Variants in CSK observed in about 807,000 individuals in gnomAD.
The protein encoded by CSK is C-terminal Src kinase, also known as tyrosine-protein kinase CSK.
Under a neutral mutation model 62.3 loss-of-function variants are expected in CSK, and 7 were observed. The observed-to-expected ratio is 0.11, with a 90% CI of 0.06 to 0.21. The LOEUF is 0.21. CSK is among the 10% of genes least tolerant of loss of function. The pLI is 1.00. For missense variants in CSK, 294 were observed against 613.5 expected (o/e 0.48, Z 5.50); for synonymous variants, 237 against 246.0 (o/e 0.96, Z 0.34).
intron 1 of CSK, among the ~76,000 whole-genome samples, chr15:74,792,069 C>T (rs1034823586): frequency 2.6e-5 from 4 of 152,122 alleles, no homozygotes; most frequent in Admixed American, 6.5e-5. Flanking sequence ...TGTTCAGTAT[C>T]GGCATCTAGA....
intron 1 of CSK, among the ~76,000 whole-genome samples, chr15:74,792,613 G>T (rs1218837624): frequency 2.0e-5 from 3 of 152,240 alleles, no homozygotes; most frequent in African/African-American, 7.2e-5. Context: ...GGTTGTAGAG[G>T]CCTAAGTTTG....
Position 74,802,664 on chromosome 15 carries a change from C to A in CSK, c.*151C>A. The A allele has an allele frequency of 1.0e-6, 1 of 980,286 alleles. No individual in the cohort carries two copies. 60.7% of individuals were successfully genotyped at this position (980,286 alleles called of 1,614,324 possible). On this transcript the variant is annotated 3_prime_UTR_variant, in exon 13 of 13. Coordinates refer to ENST00000220003, the MANE Select transcript of CSK (RefSeq NM_004383.3). ...CGTCCCAGCCTGCACCCCTCCGGCC[C>A]CGTCTCTCTTGGACCCACCTGTGGG...
In CSK at chr15:74,798,492, C is replaced by T; in HGVS notation, c.16-123C>T. The T allele has an allele frequency of 8.2e-7, 1 of 1,217,118 alleles. No individual in the cohort carries two copies. Among genetic ancestry groups the T allele is most frequent in the Non-Finnish European group, 1.2e-6 (1 of 842,548 alleles). The allele number at this position is 1,217,118 out of a possible 1,614,324, so 75.4% of individuals were successfully genotyped here. The stretch of plus-strand genomic sequence containing the variant: ...CAGGAAGGGACCCAGGGCTCGTTCT[C>T]CGGGCAGAGCACCTCACCCAGGCTC... On this transcript the variant is annotated intron_variant, in intron 2 of 12. Transcript: ENST00000220003. The surrounding 1 kb of genome is among the most constrained non-coding windows in gnomAD (Gnocchi z 6.6).
chr15:74,783,123 C>G (rs556329571), intron 1 of CSK, among the ~76,000 whole-genome samples: 1 of 152,202 alleles, frequency 6.6e-6, no homozygotes, highest in African/African-American at 2.4e-5. Context: ...TGGTTCTGAC[C>G]CCTCCCTCAT....
chr15:74,802,205 A>T, intron 12 of CSK, 122 bp downstream of exon 12: 1 of 1,386,922 alleles, frequency 7.2e-7, no homozygotes. Context: ...TGCCCTGGGG[A>T]GCTCACAGGC....
rs2063793244 is a variant in CSK at position 74,801,560 on chromosome 15, A to G, written c.852A>G (p.Ser284=). ...LVDYLRSRGR[S]VLGGDCLLKF... ...ACTACCTGCGGTCTAGGGGTCGGTC[A>G]GTGCTGGGCGGAGACTGTCTCCTCA... The change falls in exon 10 of 13, where the codon TCA becomes TCG. Residue 284 remains serine, a synonymous_variant. Transcript: ENST00000220003. 1 of 1,613,790 alleles carries G rather than the reference A, an allele frequency of 6.2e-7. No individual in the cohort carries two copies. Among genetic ancestry groups the G allele is most frequent in the East Asian group, 2.2e-5 (1 of 44,898 alleles).
At chr15:74,791,381 CTCT>C (rs1231912031) in intron 1 of CSK, among the ~76,000 whole-genome samples, 1 of 152,114 alleles carries the variant, frequency 6.6e-6, no homozygotes, top group African/African-American at 2.4e-5. Context: ...TTTACTCTAT[CTCT>C]TCTTTTATCT....
At chr15:74,796,927 T>TTTAC (rs1211911019) in intron 1 of CSK, among the ~76,000 whole-genome samples, 1 of 152,032 alleles carries the variant, frequency 6.6e-6, no homozygotes, top group Middle Eastern at 3.2e-3. Context: ...TGGTTAACAT[T>TTTAC]TTATTTATTT....
Position 74,801,812 on chromosome 15 carries a change from C to T in CSK, c.1005C>T (p.Leu335=). ...TGGCCAAGGTCAGCGACTTTGGTCT[C>T]ACCAAGGAGGCGTCCAGCACCCAGG... The part of the protein sequence containing the change: ...DNVAKVSDFG[L]TKEASSTQDT... The change falls in exon 11 of 13, where the codon CTC becomes CTT. Residue 335 remains leucine (L), a synonymous_variant. Transcript: ENST00000220003. The T allele has an allele frequency of 6.2e-7, 1 of 1,613,946 alleles. No homozygotes were observed. The highest frequency in any genetic ancestry group is 8.5e-7 in the Non-Finnish European group (1 of 1,180,018).
intron 1 of CSK, among the ~76,000 whole-genome samples, chr15:74,797,575 G>T (rs779112155): frequency 6.6e-6 from 1 of 152,200 alleles, no homozygotes; most frequent in Non-Finnish European, 1.5e-5. Context: ...GTTGGAGTTT[G>T]TGTTGGAGTT....
chr15:74,802,914 A>C lies in CSK; in HGVS notation c.*401A>C. The C allele has an allele frequency of 1.0e-5, 2 of 191,460 alleles. No homozygotes were observed. Among genetic ancestry groups the C allele is most frequent in the Non-Finnish European group, 1.1e-5 (1 of 93,496 alleles). 11.9% of individuals were successfully genotyped at this position (191,460 alleles called of 1,614,324 possible). A position where few individuals can be genotyped will look rare whatever the true frequency, so the allele number is the denominator to read the frequency against. On this transcript the variant is annotated 3_prime_UTR_variant, in exon 13 of 13. Coordinates refer to ENST00000220003, the MANE Select transcript of CSK (RefSeq NM_004383.3). ...GCATTTTACAAGAAGTACGAATCTT[A>C]TTTTTCCTGTCCTGCCCGTGAGGGT...
chr15:74,791,953 C>T (rs2063628156), intron 1 of CSK, among the ~76,000 whole-genome samples: 1 of 152,180 alleles, frequency 6.6e-6, no homozygotes, highest in Non-Finnish European at 1.5e-5. Context: ...TCCAATTAGC[C>T]TGTGGGATGG....
chr15:74,798,494 G>A lies in CSK; in HGVS notation c.16-121G>A, dbSNP rs750410782. 8.4e-5 allele frequency: 103 copies of A among 1,221,304 alleles called. No homozygotes were observed. The highest frequency in any genetic ancestry group is 7.1e-4 in the African/African-American group (47 of 66,510). The allele number at this position is 1,221,304 out of a possible 1,614,324, so 75.7% of individuals were successfully genotyped here. ...GGAAGGGACCCAGGGCTCGTTCTCC[G>A]GGCAGAGCACCTCACCCAGGCTCAC... On this transcript the variant is annotated intron_variant, in intron 2 of 12. Transcript: ENST00000220003. This position sits in a 1 kb window ranked among gnomAD's most constrained non-coding sequence, Gnocchi z 6.6.
At chr15:74,795,105 C>T (rs986792980) in intron 1 of CSK, among the ~76,000 whole-genome samples, 1 of 152,126 alleles carries the variant, frequency 6.6e-6, no homozygotes, top group African/African-American at 2.4e-5. Context: ...TGCCAGTCCC[C>T]TGCCTGACAC....
intron 1 of CSK, among the ~76,000 whole-genome samples, chr15:74,797,717 C>T (rs2063728089): frequency 6.6e-6 from 1 of 150,944 alleles, no homozygotes; most frequent in Non-Finnish European, 1.5e-5. Context: ...CCACTTGTAG[C>T]CCTCCTGTGC....
At chr15:74,790,685 T>G (rs1221930228) in intron 1 of CSK, 2 of 152,276 alleles carry the variant, frequency 1.3e-5, no homozygotes, top group African/African-American at 2.4e-5. Flanking sequence ...GACCTCGGTG[T>G]GGTACAGCCA....
At chr15:74,787,119 A>G (rs1314475098) in intron 1 of CSK, among the ~76,000 whole-genome samples, 2 of 152,062 alleles carry the variant, frequency 1.3e-5, no homozygotes, top group Non-Finnish European at 1.5e-5. Flanking sequence ...GCCACCCCCA[A>G]CGCCCGGCAG....
chr15:74,800,773 G>C (rs1305563204), intron 7 of CSK, 27 bp downstream of exon 7: 2 of 1,586,608 alleles, frequency 1.3e-6, no homozygotes, highest in Non-Finnish European at 1.7e-6. Flanking sequence ...CCCCTGGGGG[G>C]GTTCTGAGGG....
In CSK at chr15:74,798,721, T is replaced by G; in HGVS notation, c.122T>G (p.Val41Gly). ...GGAGACGTGCTCACCATTGTGGCCG[T>G]CACCAAGGTAATCAGGTGACGCCCA... ...CKGDVLTIVA[V>G]TKDPNWYKAK... The change falls in exon 3 of 13, where the codon GTC becomes GGC. Residue 41 changes from valine (V) to glycine (G), a missense_variant. By Grantham distance (109) the Val-to-Gly change is moderately radical. Coordinates refer to ENST00000220003, the MANE Select transcript of CSK (RefSeq NM_004383.3). This position sits in a 1 kb window ranked among gnomAD's most constrained non-coding sequence, Gnocchi z 6.6. 2 of 1,613,606 alleles carry G rather than the reference T, an allele frequency of 1.2e-6. No homozygotes were observed. Among genetic ancestry groups the G allele is most frequent in the Non-Finnish European group, 1.7e-6 (2 of 1,179,916 alleles).
Sources: gnomAD v4.1 joint callset for allele counts (sites outside exome capture counted in the v4.1 genomes callset) on GRCh38, gnomAD v4.1.1 for gene constraint, Gnocchi (gnomAD v3.1) non-coding constraint, MANE v1.5 for transcripts, NCBI Gene and HGNC (gene_info 2026-07-23, HGNC 2026-07-21) for gene names.